Variants in ERC1 observed in about 807,000 individuals in gnomAD.
ERC1 encodes RAB6 interacting protein 2.
ERC1 carries 56 observed loss-of-function variants against 132.0 expected under a neutral mutation model. The observed-to-expected ratio is 0.42, with a 90% CI of 0.34 to 0.53. The LOEUF is 0.53. Ranked by LOEUF, ERC1 falls within the 20% of genes least tolerant of loss-of-function variation. The pLI, the probability that ERC1 is intolerant of heterozygous loss-of-function variation, is 0.03. For synonymous variants in ERC1, 478 were observed against 476.1 expected (o/e 1.00, Z -0.05); for missense variants, 1,202 against 1,349.9 (o/e 0.89, Z 1.72).
intron 16 of ERC1, among the ~76,000 whole-genome samples, chr12:1,398,419 A>G (rs1291940789): frequency 2.6e-5 from 4 of 152,218 alleles, no homozygotes; most frequent in Non-Finnish European, 1.5e-5. Flanking sequence ...ATTTTTCAGC[A>G]TAAGAGAAAA....
Position 1,263,100 on chromosome 12 carries a change from A to T in ERC1, c.2554A>T (p.Ile852Leu), listed in dbSNP as rs1386759024. 5.0e-6 allele frequency: 8 copies of T among 1,614,000 alleles called. No individual in the cohort carries two copies. The highest frequency in any genetic ancestry group is 5.9e-6 in the Non-Finnish European group (7 of 1,179,972). Residue 852 changes from isoleucine (I) to leucine (L), a missense_variant, in exon 14 of 19, where the codon ATA (isoleucine) becomes TTA (leucine). Transcript: ENST00000360905. ...LEEALRESVQ[I>L]TAEREMVLAQ... ...AGAAGCACTAAGAGAAAGTGTACAG[A>T]TAACTGCAGAGCGGGAAATGGTGCT...
At chr12:1,357,284 T>C (rs1412385024) in intron 15 of ERC1, among the ~76,000 whole-genome samples, 2 of 152,156 alleles carry the variant, frequency 1.3e-5, no homozygotes, top group Non-Finnish European at 2.9e-5. Flanking sequence ...GCAAACGTCA[T>C]GACAAACAGA....
chr12:1,281,021 T>C (rs1005315094), intron 14 of ERC1, among the ~76,000 whole-genome samples: 5 of 152,242 alleles, frequency 3.3e-5, no homozygotes, highest in Non-Finnish European at 7.3e-5. Context: ...TTGGTTTTTT[T>C]CACCATTGCA....
chr12:1,390,788 T>C (rs895381251), intron 16 of ERC1: 3 of 152,256 alleles, frequency 2.0e-5, no homozygotes, highest in Admixed American at 1.3e-4. Context: ...AGAAGTTTCC[T>C]AGTTGATTGA....
chr12:1,469,904 A>G (rs2093824004), intron 18 of ERC1, among the ~76,000 whole-genome samples: 1 of 145,190 alleles, frequency 6.9e-6, no homozygotes, highest in South Asian at 2.3e-4. Context: ...GTCAGACACA[A>G]CTTGCCATGT....
At chr12:1,052,848 C>T (rs58010059) in intron 2 of ERC1, among the ~76,000 whole-genome samples, 6,071 of 151,884 alleles carry the variant, frequency 0.04, 205 homozygotes, top group African/African-American at 0.088. Flanking sequence ...CAGGCGCCTG[C>T]AATCCCAGCT....
At chr12:1,339,717 G>T (rs1240493281) in intron 15 of ERC1, among the ~76,000 whole-genome samples, 1 of 152,196 alleles carries the variant, frequency 6.6e-6, no homozygotes, top group Non-Finnish European at 1.5e-5. Context: ...ACTGGTGGTT[G>T]TGTTAATACG....
chr12:1,466,122 C>A (rs1473375485), intron 18 of ERC1, among the ~76,000 whole-genome samples: 2 of 152,154 alleles, frequency 1.3e-5, no homozygotes, highest in African/African-American at 4.8e-5. Context: ...CCACAGACCG[C>A]GTGGCTTAAG....
chr12:1,121,347 C>G (rs1947061546), intron 7 of ERC1, among the ~76,000 whole-genome samples: 1 of 152,140 alleles, frequency 6.6e-6, no homozygotes, highest in Non-Finnish European at 1.5e-5. Context: ...TCTGACTTCG[C>G]TAATTATGAT....
At chr12:1,208,783 G>GT (rs998937466) in intron 12 of ERC1, among the ~76,000 whole-genome samples, 31 of 151,772 alleles carry the variant, frequency 2.0e-4, no homozygotes, top group Admixed American at 3.3e-4. Context: ...CAATTAAATT[G>GT]TTTTTTTGTT....
chr12:1,170,383 A>T (rs183874753), intron 8 of ERC1, among the ~76,000 whole-genome samples: 2 of 152,302 alleles, frequency 1.3e-5, no homozygotes, highest in East Asian at 3.9e-4. Context: ...TTTTTAAAAA[A>T]ATATTGGATC....
chr12:1,428,320 T>C (rs140581132), intron 17 of ERC1, among the ~76,000 whole-genome samples: 258 of 152,346 alleles, frequency 1.7e-3, no homozygotes, highest in African/African-American at 6.0e-3. Flanking sequence ...TGGATGAGTT[T>C]TACCCTAAAG....
intron 1 of ERC1, chr12:991,650 G>A (rs969531768): frequency 1.3e-5 from 2 of 152,108 alleles, no homozygotes; most frequent in African/African-American, 4.8e-5. Context: ...GCGGGAGGTG[G>A]GGGAGTGGGG....
intron 7 of ERC1, among the ~76,000 whole-genome samples, chr12:1,117,499 G>C (rs1052751336): frequency 6.6e-6 from 1 of 152,150 alleles, no homozygotes; most frequent in Non-Finnish European, 1.5e-5. Flanking sequence ...ATGAGATGCA[G>C]TAGTGGCTAA....
chr12:1,472,040 C>T (rs563300854), intron 18 of ERC1, among the ~76,000 whole-genome samples: 13 of 152,326 alleles, frequency 8.5e-5, no homozygotes, highest in Non-Finnish European at 1.5e-4. Context: ...AGCTCCCTTC[C>T]GGGCTGATGA....
intron 17 of ERC1, among the ~76,000 whole-genome samples, chr12:1,440,600 T>TTGTGTGTGTGTGTGTGTGTG (rs56749397): frequency 3.9e-5 from 2 of 51,160 alleles, no homozygotes; most frequent in Admixed American, 2.4e-4. Context: ...CCTCAGCCTT[T>TTGTGTGTGTGTGTGTGTGTG]TGTGTGTGTG....
intron 17 of ERC1, among the ~76,000 whole-genome samples, chr12:1,424,870 A>C (rs1370908653): frequency 9.2e-5 from 13 of 140,632 alleles, no homozygotes; most frequent in African/African-American, 3.8e-4. Context: ...AGATCGATAG[A>C]TAGATAGATA....
At chr12:990,879 C>A (rs914262739), upstream of ERC1, among the ~76,000 whole-genome samples, 12 of 151,996 alleles carry the variant, frequency 7.9e-5, no homozygotes, top group African/African-American at 2.9e-4. Flanking sequence ...GAGACAAGCG[C>A]CACCCTGCGC....
At chr12:1,397,988 A>T (rs911488750) in intron 16 of ERC1, among the ~76,000 whole-genome samples, 1 of 152,104 alleles carries the variant, frequency 6.6e-6, no homozygotes, top group Non-Finnish European at 1.5e-5. Flanking sequence ...GTAAAAGAAC[A>T]AAAATGCGAA....
Sources: allele counts gnomAD v4.1 joint callset (sites outside exome capture counted in the v4.1 genomes callset), GRCh38; gene constraint gnomAD v4.1.1; transcripts MANE v1.5; gene names NCBI Gene and HGNC (gene_info 2026-07-23, HGNC 2026-07-21).